PRKDC: variants seen among roughly 807,000 people sequenced by gnomAD.
PRKDC encodes DNA-dependent protein kinase catalytic subunit.
Under a neutral mutation model 486.9 loss-of-function variants are expected in PRKDC, and 82 were observed. That is an observed-to-expected ratio of 0.17 (90% CI 0.14 to 0.20). The LOEUF (loss-of-function observed/expected upper bound fraction) is 0.20. PRKDC is among the 10% of genes least tolerant of loss of function. The pLI is 1.00. For missense variants in PRKDC, 4,504 were observed against 5,038.2 expected, an observed-to-expected ratio of 0.89 and a Z score of 3.21; for synonymous variants, 1,895 against 1,837.0, an observed-to-expected ratio of 1.03 and a Z score of -0.81.
intron 7 of PRKDC, among the ~76,000 whole-genome samples, chr8:47,945,394 C>G (rs969778179): frequency 6.6e-6 from 1 of 152,218 alleles, no homozygotes; most frequent in Non-Finnish European, 1.5e-5. Context: ...GGGTGCCCAT[C>G]AAACACTAAC....
intron 25 of PRKDC, among the ~76,000 whole-genome samples, chr8:47,909,893 T>C (rs979637746): frequency 6.6e-6 from 1 of 152,182 alleles, no homozygotes; most frequent in Non-Finnish European, 1.5e-5. Flanking sequence ...CCTGTTAAGA[T>C]GTTTATCAAG....
At chr8:47,810,569 T>C (rs1449413272) in intron 68 of PRKDC, among the ~76,000 whole-genome samples, 2 of 152,122 alleles carry the variant, frequency 1.3e-5, no homozygotes, top group Non-Finnish European at 2.9e-5. Flanking sequence ...CAGGAGAATG[T>C]ATCCATCTCA....
At position 47,889,351 on chromosome 8, in the gene PRKDC, G is replaced by A. The variant is rs568983433; in HGVS notation, c.4072-129C>T. On this transcript the variant is annotated intron_variant, in intron 32 of 85. Coordinates refer to ENST00000314191, the MANE Select transcript of PRKDC (RefSeq NM_006904.7). ...GGTGGGCAGAGTTTCTCTGTAAAAC[G>A]GGGGCACAGTAAACACTTGAGGTTT... is the stretch of plus-strand genomic sequence containing the variant. The A allele has an allele frequency of 4.0e-5, 29 of 725,192 alleles. No individual in the cohort carries two copies. The African/African-American group carries it at 4.1e-4, about 10-fold the overall frequency. 44.9% of individuals were successfully genotyped at this position (725,192 alleles called of 1,614,324 possible).
In PRKDC at chr8:47,836,498, G is replaced by T; in HGVS notation, c.7791C>A (p.Phe2597Leu). 1.2e-6 allele frequency: 2 copies of T among 1,606,908 alleles called. No individual in the cohort carries two copies. Among genetic ancestry groups the T allele is most frequent in the South Asian group, 2.2e-5 (2 of 89,752 alleles). Residue 2597 changes from phenylalanine to leucine, a missense_variant, in exon 58 of 86, where the codon TTC (phenylalanine) becomes TTA (leucine). This residue lies in a region of PRKDC where 1,592 missense variants were observed against 1,724.6 expected (regional missense o/e 0.92). Transcript: ENST00000314191. ...ACATCGGAGTGAGAACAGTACTTCGGAAACGCCAATCAGAATCAATGGTAT... is the reference window on the plus strand; with the variant it reads ...ACATCGGAGTGAGAACAGTACTTCGTAAACGCCAATCAGAATCAATGGTAT... The part of the protein sequence containing the change: ...QEYTIDSDWR[F>L]RSTVLTPMFV...
At chr8:47,850,201 C>T (rs1365768673) in intron 52 of PRKDC, among the ~76,000 whole-genome samples, 2 of 152,198 alleles carry the variant, frequency 1.3e-5, no homozygotes, top group Non-Finnish European at 2.9e-5. Flanking sequence ...GAAAACACTG[C>T]TGTCCTTCCT....
intron 72 of PRKDC, 61 bp downstream of exon 72, chr8:47,799,149 C>A: frequency 6.3e-7 from 1 of 1,590,300 alleles, no homozygotes; most frequent in Non-Finnish European, 8.6e-7. Flanking sequence ...AAGGTATGTA[C>A]AAAATTCATA....
chr8:47,798,181 GCGT>G, intron 73 of PRKDC, 53 bp downstream of exon 73: 1 of 1,549,972 alleles, frequency 6.5e-7, no homozygotes, highest in Non-Finnish European at 8.8e-7. Flanking sequence ...ATATAAATAA[GCGT>G]ATCTTTAAGT....
At position 47,855,357 on chromosome 8, in the gene PRKDC, T is replaced by A; in HGVS notation, c.6626A>T (p.Glu2209Val). The A allele has an allele frequency of 6.3e-7, 1 of 1,598,036 alleles. No individual in the cohort carries two copies. Among genetic ancestry groups the A allele is most frequent in the Non-Finnish European group, 8.5e-7 (1 of 1,171,400 alleles). The change falls in exon 50 of 86, where the codon GAA (glutamate) becomes GTA (valine). Residue 2209 changes from glutamate (E) to valine (V), a missense_variant. This residue lies in a region of PRKDC where 1,592 missense variants were observed against 1,724.6 expected (regional missense o/e 0.92). Transcript: ENST00000314191. ...LATPTGVPKD[E>V]VLANRLLNFL... is the part of the protein sequence containing the mutation. ...ATTAAGCAATCGATTTGCTAACACTTCATCTTTAGGGACCCCCTGAAAAGG... is the reference window on the plus strand; with the variant it reads ...ATTAAGCAATCGATTTGCTAACACTACATCTTTAGGGACCCCCTGAAAAGG...
intron 29 of PRKDC, 73 bp downstream of exon 29, chr8:47,898,397 A>T: frequency 8.4e-7 from 1 of 1,190,948 alleles, no homozygotes; most frequent in South Asian, 1.4e-5. Context: ...GATCCATCCC[A>T]GGTTGTCCTT....
At position 47,957,193 on chromosome 8, in the gene PRKDC, G is replaced by A. The variant is rs1376692319; in HGVS notation, c.302C>T (p.Ala101Val). 6.3e-7 allele frequency: 1 copy of A among 1,590,510 alleles called. No homozygotes were observed. The highest frequency in any genetic ancestry group is 8.6e-7 in the Non-Finnish European group (1 of 1,161,114). ...TACCTTAATTTCAACAGAGTAAGGT[G>A]CGATCTTCTGGCCCATTTTTTCTAA... ...IFLEKMGQKI[A>V]PYSVEIKNTC... Residue 101 changes from alanine to valine, a missense_variant, in exon 3 of 86, where the codon GCA becomes GTA. Physicochemically the swap from Ala to Val is moderately conservative, Grantham distance 64 (BLOSUM62 0). Coordinates refer to ENST00000314191, the MANE Select transcript of PRKDC (RefSeq NM_006904.7).
chr8:47,803,511 G>A, intron 69 of PRKDC, 31 bp from the exon 70 acceptor site: 2 of 1,606,640 alleles, frequency 1.2e-6, no homozygotes, highest in Non-Finnish European at 1.7e-6. Flanking sequence ...GAGAGAAGGT[G>A]GTATGATGAT....
chr8:47,893,879 A>G (rs1371391240), intron 30 of PRKDC, among the ~76,000 whole-genome samples: 1 of 152,248 alleles, frequency 6.6e-6, no homozygotes, highest in Non-Finnish European at 1.5e-5. Context: ...TTAAAAAGAT[A>G]AATACATAAA....
At chr8:47,788,442 C>G (rs992808350) in intron 76 of PRKDC, among the ~76,000 whole-genome samples, 2 of 152,226 alleles carry the variant, frequency 1.3e-5, no homozygotes, top group South Asian at 2.1e-4. Flanking sequence ...CTAGGCACAG[C>G]TCTTGGTGAG....
chr8:47,918,219 G>C (rs2090018492), intron 22 of PRKDC, 58 bp downstream of exon 22: 1 of 1,124,064 alleles, frequency 8.9e-7, no homozygotes. Flanking sequence ...CTTTTCACAA[G>C]TGTTAGAATC....
intron 40 of PRKDC, 45 bp from the exon 41 acceptor site, chr8:47,864,808 A>G (rs779153194): frequency 2.2e-5 from 32 of 1,465,892 alleles, no homozygotes; most frequent in Middle Eastern, 3.9e-4. Context: ...TGCTTTGAAG[A>G]GGAACTTTAT....
At chr8:47,864,835 A>G (rs2088770597) in intron 40 of PRKDC, 72 bp from the exon 41 acceptor site, 2 of 1,285,268 alleles carry the variant, frequency 1.6e-6, no homozygotes, top group Non-Finnish European at 2.1e-6. Flanking sequence ...CTACTACATA[A>G]CAGGCAAAGT....
chr8:47,955,832 A>C lies in PRKDC; in HGVS notation c.399+42T>G, dbSNP rs561671195. Reference sequence around the variant, plus strand: ...AAACTCTGATTTTCTTTTAAAAGTTACATGTTTAATGTAAAATACGTGTAC... The same window carrying C: ...AAACTCTGATTTTCTTTTAAAAGTTCCATGTTTAATGTAAAATACGTGTAC... On this transcript the variant is annotated intron_variant, in intron 4 of 85. Coordinates refer to ENST00000314191, the MANE Select transcript of PRKDC (RefSeq NM_006904.7). The C allele has an allele frequency of 1.5e-5, 21 of 1,443,002 alleles. No individual in the cohort carries two copies. The African/African-American group carries it at 2.9e-4, about 20-fold the overall frequency. 89.4% of individuals were successfully genotyped at this position (1,443,002 alleles called of 1,614,324 possible). A position where few individuals can be genotyped will look rare whatever the true frequency, so the allele number is the denominator to read the frequency against.
At position 47,957,081 on chromosome 8, in the gene PRKDC, A is replaced by C. The variant is rs538491785; in HGVS notation, c.324+90T>G. The C allele has an allele frequency of 1.9e-5, 16 of 848,138 alleles. No homozygotes were observed. The African/African-American group carries it at 2.3e-4, about 12-fold the overall frequency. 52.5% of individuals were successfully genotyped at this position (848,138 alleles called of 1,614,324 possible). On this transcript the variant is annotated intron_variant, in intron 3 of 85. Coordinates refer to ENST00000314191, the MANE Select transcript of PRKDC (RefSeq NM_006904.7). ...CCCCAATGAGAAAGGAAAATGTTTT[A>C]TCTTTAAAATAAAAATCCAAGTTCC...
At chr8:47,850,361 A>C (rs1215017606) in intron 52 of PRKDC, among the ~76,000 whole-genome samples, 2 of 152,330 alleles carry the variant, frequency 1.3e-5, no homozygotes, top group East Asian at 3.9e-4. Context: ...AAACGTTTTG[A>C]GCCTCAGCAT....
Sources: allele counts gnomAD v4.1 joint callset (sites outside exome capture counted in the v4.1 genomes callset), GRCh38; gene constraint gnomAD v4.1.1; regional missense constraint gnomAD v4.1.1; transcripts MANE v1.5; gene names NCBI Gene and HGNC (gene_info 2026-07-23, HGNC 2026-07-21).